GDAP2: variants seen among roughly 807,000 people sequenced by gnomAD.
GDAP2 encodes ganglioside induced differentiation associated protein 2, also known as ganglioside-induced differentiation-associated protein 2.
A neutral mutation model predicts 67.0 loss-of-function variants in GDAP2; 51 were observed. The observed-to-expected ratio is 0.76, with a 90% confidence interval of 0.61 to 0.96. The LOEUF is 0.96. GDAP2 is among the 40% of genes least tolerant of loss of function. The pLI, the probability that GDAP2 is intolerant of heterozygous loss-of-function variation, is 0.00. For missense variants in GDAP2, 547 were observed against 588.3 expected (o/e 0.93, Z 0.73); for synonymous variants, 203 against 207.3 (o/e 0.98, Z 0.18).
chr1:117,887,552 T>C lies in GDAP2; in HGVS notation c.1030+146A>G, dbSNP rs1254467335. The C allele has an allele frequency of 1.2e-5, 8 of 647,426 alleles. No individual in the cohort carries two copies. In the East Asian group the frequency reaches 1.9e-4, roughly 16 times the overall value. The allele number at this position is 647,426 out of a possible 1,614,324, so 40.1% of individuals were successfully genotyped here. A position where few individuals can be genotyped will look rare whatever the true frequency, so the allele number is the denominator to read the frequency against. Reference sequence around the variant, plus strand: ...TGGGATGTTATTTTTAAGATCTTGATGACAGGCAAAACTATCTTTATTAGT... The same window carrying C: ...TGGGATGTTATTTTTAAGATCTTGACGACAGGCAAAACTATCTTTATTAGT... On this transcript the variant is annotated intron_variant, in intron 9 of 13. Coordinates refer to ENST00000369443, the MANE Select transcript of GDAP2 (RefSeq NM_017686.4).
At chr1:117,925,889 G>T (rs1233337856) in intron 1 of GDAP2, among the ~76,000 whole-genome samples, 8 of 152,142 alleles carry the variant, frequency 5.3e-5, no homozygotes, top group Non-Finnish European at 1.5e-5. Flanking sequence ...TCCAAGTGAC[G>T]ATTTGAGGGT....
At chr1:117,882,086 T>C (rs1648669663) in intron 11 of GDAP2, among the ~76,000 whole-genome samples, 1 of 152,278 alleles carries the variant, frequency 6.6e-6, no homozygotes. Flanking sequence ...TTATAGGAGA[T>C]ATTAAGTGCT....
chr1:117,896,047 A>G (rs1437632723), intron 8 of GDAP2, among the ~76,000 whole-genome samples: 2 of 152,188 alleles, frequency 1.3e-5, no homozygotes, highest in Non-Finnish European at 2.9e-5. Context: ...GGCAAGTACC[A>G]AAGCTCAAAG....
At chr1:117,912,845 A>T (rs1317681338) in intron 3 of GDAP2, among the ~76,000 whole-genome samples, 162 bp from the exon 4 acceptor site, 3 of 152,204 alleles carry the variant, frequency 2.0e-5, no homozygotes, top group Non-Finnish European at 4.4e-5. Flanking sequence ...TGTTCCCAAA[A>T]TGACAGTGAA....
chr1:117,884,617 T>C (rs1648782159), intron 10 of GDAP2, among the ~76,000 whole-genome samples: 1 of 152,088 alleles, frequency 6.6e-6, no homozygotes, highest in Non-Finnish European at 1.5e-5. Context: ...TCTATCTCAA[T>C]ATTTTACAGG....
chr1:117,892,715 T>C (rs923765153), intron 8 of GDAP2, among the ~76,000 whole-genome samples: 1 of 152,134 alleles, frequency 6.6e-6, no homozygotes, highest in African/African-American at 2.4e-5. Context: ...ACAAAGCTAA[T>C]ATAAGCCAGT....
At chr1:117,888,024 G>A (rs1403336036) in intron 8 of GDAP2, among the ~76,000 whole-genome samples, 1 of 152,068 alleles carries the variant, frequency 6.6e-6, no homozygotes, top group Non-Finnish European at 1.5e-5. Context: ...ATCAAATGAA[G>A]GTTGTACAGG....
At chr1:117,885,830 A>C (rs1271988977) in intron 10 of GDAP2, among the ~76,000 whole-genome samples, 1 of 152,146 alleles carries the variant, frequency 6.6e-6, no homozygotes, top group Non-Finnish European at 1.5e-5. Flanking sequence ...TTCCTAACAA[A>C]ACTGATGTGC....
At chr1:117,872,524 G>A (rs1165342404) in intron 13 of GDAP2, among the ~76,000 whole-genome samples, 2 of 152,090 alleles carry the variant, frequency 1.3e-5, no homozygotes, top group Non-Finnish European at 2.9e-5. Context: ...AAAGGAATGA[G>A]ATCATGTCCT....
At chr1:117,926,220 A>G (rs76912828) in intron 1 of GDAP2, among the ~76,000 whole-genome samples, 2,074 of 152,302 alleles carry the variant, frequency 0.014, 38 homozygotes, top group South Asian at 0.092. Flanking sequence ...TACGAAAACT[A>G]CTCTATTCAA....
intron 1 of GDAP2, among the ~76,000 whole-genome samples, chr1:117,928,855 A>G (rs1650566765): frequency 6.6e-6 from 1 of 152,244 alleles, no homozygotes; most frequent in South Asian, 2.1e-4. Flanking sequence ...GAATAAAAGT[A>G]GCAGAAATGC....
In GDAP2 at chr1:117,920,151, T is replaced by C. The variant is rs367558443; in HGVS notation, c.176+31A>G. 4 of 1,273,730 alleles carry C rather than the reference T, an allele frequency of 3.1e-6. No individual in the cohort carries two copies. In the South Asian group the frequency reaches 5.2e-5, roughly 17 times the overall value. 78.9% of individuals were successfully genotyped at this position (1,273,730 alleles called of 1,614,324 possible). On this transcript the variant is annotated intron_variant, in intron 2 of 13. Coordinates refer to ENST00000369443, the MANE Select transcript of GDAP2 (RefSeq NM_017686.4). The stretch of plus-strand genomic sequence containing the variant: ...GAATAAATTATGAGAAAGTGTTATC[T>C]CCTCATGATATGATGTAATCAAAAA...
intron 11 of GDAP2, 138 bp downstream of exon 11, chr1:117,883,350 A>G (rs1648732395): frequency 1.7e-6 from 1 of 604,740 alleles, no homozygotes; most frequent in Admixed American, 3.1e-5. Context: ...CCTATGATTG[A>G]AGTATCTAAT....
chr1:117,887,570 T>G (rs1307446801), intron 9 of GDAP2, 128 bp downstream of exon 9: 5 of 694,324 alleles, frequency 7.2e-6, no homozygotes, highest in Non-Finnish European at 1.3e-5. Context: ...AAAACTATCT[T>G]TATTAGTACA....
chr1:117,883,423 G>T (rs373715476), intron 11 of GDAP2, 65 bp downstream of exon 11: 9 of 1,150,966 alleles, frequency 7.8e-6, no homozygotes, highest in African/African-American at 4.6e-5. Flanking sequence ...AGCAATGTTT[G>T]CCACTGCTTA....
chr1:117,910,227 C>A (rs147530479), intron 5 of GDAP2, among the ~76,000 whole-genome samples: 1 of 151,970 alleles, frequency 6.6e-6, no homozygotes, highest in East Asian at 1.9e-4. Context: ...GTCTGCATAA[C>A]CCTCATAACA....
intron 13 of GDAP2, 62 bp from the exon 14 acceptor site, chr1:117,870,678 A>T: frequency 9.2e-7 from 1 of 1,092,826 alleles, no homozygotes; most frequent in South Asian, 1.2e-5. Flanking sequence ...TGGAAATGTG[A>T]AAAAAAGGGA....
intron 10 of GDAP2, among the ~76,000 whole-genome samples, chr1:117,884,857 G>A (rs1277048018): frequency 1.4e-5 from 2 of 146,792 alleles, no homozygotes; most frequent in Non-Finnish European, 1.5e-5. Flanking sequence ...CTGTTTGTTC[G>A]AGACAGGGTC....
At chr1:117,904,968 CATT>C (rs374827160) in intron 6 of GDAP2, among the ~76,000 whole-genome samples, 1 of 152,302 alleles carries the variant, frequency 6.6e-6, no homozygotes, top group African/African-American at 2.4e-5. Context: ...ATGGTGGCAT[CATT>C]ATTTAGTCAC....
Sources: gnomAD v4.1 joint callset for allele counts (sites outside exome capture counted in the v4.1 genomes callset) on GRCh38, gnomAD v4.1.1 for gene constraint, MANE v1.5 for transcripts, NCBI Gene and HGNC (gene_info 2026-07-23, HGNC 2026-07-21) for gene names.